The following ZNF93 variants were observed in gnomAD, a reference collection of about 807,000 sequenced individuals.
ZNF93 encodes the protein zinc finger protein 505.
A neutral mutation model predicts 45.0 loss-of-function variants in ZNF93; 29 were observed. That is an observed-to-expected ratio of 0.64 (90% CI 0.48 to 0.88). ZNF93 has a LOEUF of 0.88. Among genes scored for constraint, ZNF93 ranks in the 40% least tolerant of loss-of-function variants. The pLI, the probability that ZNF93 is intolerant of heterozygous loss-of-function variation, is 0.00. For missense variants in ZNF93, 578 were observed against 724.0 expected, an observed-to-expected ratio of 0.80 and a Z score of 2.31; for synonymous variants, 223 against 244.6, an observed-to-expected ratio of 0.91 and a Z score of 0.82.
Position 19,934,337 on chromosome 19 carries a change from C to T in ZNF93, c.1382C>T (p.Ala461Val). The change falls in exon 4 of 4, where the codon GCT (alanine) becomes GTT (valine). Residue 461 changes from alanine to valine, a missense_variant. Ala to Val is a moderately conservative substitution (Grantham distance 64, BLOSUM62 0). Transcript: ENST00000343769. ...KPYKCEECGKAFNQSSSLTKH... is the reference protein window; with the variant it reads ...KPYKCEECGKVFNQSSSLTKH... The stretch of plus-strand genomic sequence containing the variant: ...TACAAGTGTGAAGAATGTGGCAAAG[C>T]TTTTAACCAGTCCTCATCCCTTACT... The T allele has an allele frequency of 1.2e-6, 2 of 1,613,824 alleles. No individual in the cohort carries two copies. The highest frequency in any genetic ancestry group is 2.2e-5 in the South Asian group (2 of 91,068).
At chr19:19,930,186 C>A (rs1202051035) in intron 3 of ZNF93, among the ~76,000 whole-genome samples, 1 of 150,022 alleles carries the variant, frequency 6.7e-6, no homozygotes, top group East Asian at 2.0e-4. Flanking sequence ...CCCTTCCCTG[C>A]CTGGCAGCCA....
intron 1 of ZNF93, among the ~76,000 whole-genome samples, chr19:19,911,755 CTTT>C (rs879618250): frequency 6.9e-6 from 1 of 144,218 alleles, no homozygotes. Flanking sequence ...GTTATAAATT[CTTT>C]TTTTTTTTTG....
intron 1 of ZNF93, among the ~76,000 whole-genome samples, chr19:19,902,718 T>G (rs990124134): frequency 6.7e-6 from 1 of 149,592 alleles, no homozygotes; most frequent in Non-Finnish European, 1.5e-5. Context: ...AAGGTTAAGA[T>G]GAAAGGAAAC....
At chr19:19,907,709 T>C (rs530176953) in intron 1 of ZNF93, 1 of 152,128 alleles carries the variant, frequency 6.6e-6, no homozygotes, top group African/African-American at 2.4e-5. Flanking sequence ...GGCTAAGCTT[T>C]TGTATTTTTA....
At chr19:19,902,148 T>G (rs970507322) in intron 1 of ZNF93, among the ~76,000 whole-genome samples, 1 of 152,212 alleles carries the variant, frequency 6.6e-6, no homozygotes, top group African/African-American at 2.4e-5. Flanking sequence ...TTTGAGTAAT[T>G]TCACGGATTT....
rs1362940286 is a variant in ZNF93 at position 19,904,418 on chromosome 19, G to A, written c.3+3327G>A. ...TACAGTGTTTTGCTGAGTTCTGTGA[G>A]TAGCTCTACCAAATTGTTGAGTTTC... On this transcript the variant is annotated intron_variant, in intron 1 of 3. Coordinates refer to ENST00000343769, the MANE Select transcript of ZNF93 (RefSeq NM_031218.4). 2.6e-5 allele frequency among the ~76,000 whole-genome samples: 4 copies of A among 152,140 alleles called. No individual in the cohort carries two copies. The East Asian group carries it at 7.7e-4, about 29-fold the overall frequency.
At position 19,919,336 on chromosome 19, in the gene ZNF93, T is replaced by C. The variant is rs555949809; in HGVS notation, c.226+2681T>C. 7.7e-3 allele frequency among the ~76,000 whole-genome samples: 1,177 copies of C among 152,332 alleles called. 11 individuals are homozygous for C. Among genetic ancestry groups the C allele is most frequent in the Admixed American group, 0.019 (296 of 15,308 alleles). ...TATCTCTGTTTTGGTACCAGTACCATGCTGTTTTGGTTACTGTAGCCTTGT... is the reference window on the plus strand; with the variant it reads ...TATCTCTGTTTTGGTACCAGTACCACGCTGTTTTGGTTACTGTAGCCTTGT... On this transcript the variant is annotated intron_variant, in intron 3 of 3. Transcript: ENST00000343769.
rs2063313463 is a variant in ZNF93, at chr19:19,912,911, T to A, written c.4-2369T>A. 2.0e-5 allele frequency among the ~76,000 whole-genome samples: 3 copies of A among 152,272 alleles called. No homozygotes were observed. The South Asian group carries it at 6.2e-4, about 31-fold the overall frequency. The stretch of plus-strand genomic sequence containing the variant: ...AACATTGCATTAGTACCTGTGTACA[T>A]GTTCTTTTTAAAATACAGACTTATT... On this transcript the variant is annotated intron_variant, in intron 1 of 3. Coordinates refer to ENST00000343769, the MANE Select transcript of ZNF93 (RefSeq NM_031218.4).
chr19:19,930,148 G>A (rs1037353913), intron 3 of ZNF93, among the ~76,000 whole-genome samples: 4 of 152,164 alleles, frequency 2.6e-5, no homozygotes, highest in South Asian at 4.1e-4. Flanking sequence ...GTAAGGTCAC[G>A]TGGGTCACGT....
chr19:19,908,535 C>G (rs1025875269), intron 1 of ZNF93: 1 of 151,854 alleles, frequency 6.6e-6, no homozygotes, highest in African/African-American at 2.4e-5. Flanking sequence ...ATCTTTTTAC[C>G]TTTTTTCTTT....
chr19:19,926,505 A>G (rs2063356601), intron 3 of ZNF93, among the ~76,000 whole-genome samples: 1 of 144,612 alleles, frequency 6.9e-6, no homozygotes, highest in Admixed American at 7.1e-5. Context: ...TTTTTCCGAG[A>G]CAGAGTCTCA....
chr19:19,916,345 G>A (rs899977386), intron 2 of ZNF93, among the ~76,000 whole-genome samples: 24 of 152,192 alleles, frequency 1.6e-4, no homozygotes, highest in Admixed American at 3.3e-4. Flanking sequence ...TGATCCACCT[G>A]CTTTGGCCTC....
intron 2 of ZNF93, among the ~76,000 whole-genome samples, 182 bp from the exon 3 acceptor site, chr19:19,916,378 G>A (rs759567913): frequency 6.6e-6 from 1 of 152,138 alleles, no homozygotes; most frequent in Admixed American, 6.6e-5. Context: ...GATCACAGGC[G>A]TGAGCCACTG....
At chr19:19,921,323 C>G (rs1402991013) in intron 3 of ZNF93, among the ~76,000 whole-genome samples, 6 of 152,152 alleles carry the variant, frequency 3.9e-5, no homozygotes, top group Admixed American at 3.9e-4. Flanking sequence ...GTTATAATTT[C>G]TGTTCTTTTA....
At chr19:19,912,067 T>C (rs770573865) in intron 1 of ZNF93, among the ~76,000 whole-genome samples, 2 of 152,158 alleles carry the variant, frequency 1.3e-5, no homozygotes, top group South Asian at 4.1e-4. Flanking sequence ...TCTATTTCTT[T>C]TACCTTGCTA....
intron 1 of ZNF93, among the ~76,000 whole-genome samples, chr19:19,904,727 C>G (rs561506002): frequency 5.3e-5 from 8 of 150,474 alleles, no homozygotes; most frequent in Non-Finnish European, 1.2e-4. Context: ...AGTCTCTGCT[C>G]TCCTCTACAC....
chr19:19,934,835 G>A lies in ZNF93; in HGVS notation c.*17G>A. 1.3e-6 allele frequency: 2 copies of A among 1,585,792 alleles called. No individual in the cohort carries two copies. The highest frequency in any genetic ancestry group is 1.7e-6 in the Non-Finnish European group (2 of 1,167,960). ...AAACCCTAGAAGTGTGAAGAATGTG[G>A]CAAAGCCTTCAAGTGGTCCTCACAC... On this transcript the variant is annotated 3_prime_UTR_variant, in exon 4 of 4. Transcript: ENST00000343769.
intron 3 of ZNF93, among the ~76,000 whole-genome samples, chr19:19,928,579 C>T (rs1490063131): frequency 2.6e-5 from 4 of 152,186 alleles, no homozygotes; most frequent in African/African-American, 7.2e-5. Context: ...GGCTGCAGTG[C>T]AGTGGCAGAA....
intron 3 of ZNF93, among the ~76,000 whole-genome samples, chr19:19,929,174 A>G (rs541592556): frequency 1.4e-4 from 21 of 150,920 alleles, no homozygotes; most frequent in Non-Finnish European, 2.5e-4. Context: ...GTCTCTTACC[A>G]TATAATATGT....
Sources: allele counts gnomAD v4.1 joint callset (sites outside exome capture counted in the v4.1 genomes callset), GRCh38; gene constraint gnomAD v4.1.1; transcripts MANE v1.5; gene names NCBI Gene and HGNC (gene_info 2026-07-23, HGNC 2026-07-21).